Variants in PRPSAP1 observed in about 807,000 individuals in gnomAD.
PRPSAP1 encodes phosphoribosyl pyrophosphate synthase-associated protein 1.
PRPSAP1 carries 31 observed loss-of-function variants against 39.4 expected under a neutral mutation model. That is an observed-to-expected ratio of 0.79 (90% confidence interval 0.59 to 1.06). The LOEUF (loss-of-function observed/expected upper bound fraction) is 1.06, where lower values mean the gene tolerates loss of function less well. Ranked by LOEUF, PRPSAP1 falls within the 50% of genes least tolerant of loss-of-function variation. The probability of loss-of-function intolerance (pLI) is 0.00; values close to 1 mark genes in which losing one functional copy is unlikely to be tolerated. For synonymous variants in PRPSAP1, 212 were observed against 192.6 expected (o/e 1.10, Z -0.83); for missense variants, 430 against 511.6 (o/e 0.84, Z 1.54).
intron 7 of PRPSAP1, chr17:76,314,378 A>T (rs756540501): frequency 4.9e-4 from 84 of 170,476 alleles, no homozygotes; most frequent in Non-Finnish European, 9.1e-4. Flanking sequence ...CACCACACCC[A>T]GCTGAGTTTT....
At chr17:76,348,294 G>A (rs896160596) in intron 2 of PRPSAP1, among the ~76,000 whole-genome samples, 3 of 151,994 alleles carry the variant, frequency 2.0e-5, no homozygotes, top group African/African-American at 7.2e-5. Flanking sequence ...CCAACAGGGT[G>A]AAACCCCATC....
At chr17:76,319,736 A>G (rs2071168493) in intron 7 of PRPSAP1, among the ~76,000 whole-genome samples, 1 of 151,950 alleles carries the variant, frequency 6.6e-6, no homozygotes, top group Non-Finnish European at 1.5e-5. Context: ...TACAGGCGTG[A>G]GCCACCGTGC....
chr17:76,330,079 G>GC lies in PRPSAP1; in HGVS notation c.598dup (p.Ala200GlyfsTer6). ...ATCAGGAGACTTAGCTACAATGACTGCATTTCTGTAATTTGGAATCTAGAT... is the reference window on the plus strand; with the variant it reads ...ATCAGGAGACTTAGCTACAATGACTGCCATTTCTGTAATTTGGAATCTAGAT... On this transcript the variant is annotated frameshift_variant, in exon 6 of 10. Coordinates refer to ENST00000446526, the MANE Select transcript of PRPSAP1 (RefSeq NM_002766.3). LOFTEE classifies it high-confidence loss of function. 2 of 1,613,418 alleles carry GC rather than the reference G, an allele frequency of 1.2e-6. No homozygotes were observed. The highest frequency in any genetic ancestry group is 1.7e-6 in the Non-Finnish European group (2 of 1,179,420).
chr17:76,327,177 G>GTC (rs1233007448), intron 7 of PRPSAP1, among the ~76,000 whole-genome samples: 9 of 150,646 alleles, frequency 6.0e-5, no homozygotes, highest in Non-Finnish European at 1.3e-4. Flanking sequence ...GTAAAACCCT[G>GTC]TCTCTACTAA....
chr17:76,352,644 C>CAAAAAAAAAAAA (rs55986677), intron 1 of PRPSAP1, among the ~76,000 whole-genome samples: 20 of 53,482 alleles, frequency 3.7e-4, no homozygotes, highest in East Asian at 1.2e-3. Context: ...GACTCCGTCT[C>CAAAAAAAAAAAA]AAAAAAAAAA....
chr17:76,329,056 T>C (rs1031648565), intron 6 of PRPSAP1, 194 bp from the exon 7 acceptor site: 1 of 616,152 alleles, frequency 1.6e-6, no homozygotes, highest in Non-Finnish European at 2.6e-6. Flanking sequence ...GGGTTTGGGA[T>C]TGTATCTGAT....
intron 3 of PRPSAP1, among the ~76,000 whole-genome samples, chr17:76,332,930 G>T (rs1024394847): frequency 6.7e-6 from 1 of 148,384 alleles, no homozygotes; most frequent in Non-Finnish European, 1.5e-5. Context: ...TCTCGCTGTC[G>T]CCCAGGTTGG....
chr17:76,343,386 G>A (rs896061207), intron 3 of PRPSAP1, among the ~76,000 whole-genome samples: 1 of 152,242 alleles, frequency 6.6e-6, no homozygotes, highest in Admixed American at 6.5e-5. Flanking sequence ...AGGCCACGGT[G>A]CAAGATAAAA....
intron 7 of PRPSAP1, among the ~76,000 whole-genome samples, chr17:76,319,141 T>C (rs1305273155): frequency 6.6e-6 from 1 of 151,934 alleles, no homozygotes; most frequent in East Asian, 1.9e-4. Context: ...GGTTTCACCA[T>C]GTTTGTCAGG....
intron 3 of PRPSAP1, among the ~76,000 whole-genome samples, chr17:76,340,329 G>A (rs1598535878): frequency 6.6e-6 from 1 of 151,640 alleles, no homozygotes; most frequent in Admixed American, 6.6e-5. Context: ...GAGAAAAACG[G>A]TAAGTGTTTC....
At chr17:76,353,454 G>A (rs2071602148) in intron 1 of PRPSAP1, 80 bp downstream of exon 1, 9 of 1,328,728 alleles carry the variant, frequency 6.8e-6, no homozygotes, top group South Asian at 1.6e-5. Flanking sequence ...TGGGGCGGGT[G>A]GAGGGGAGCG....
In PRPSAP1 at chr17:76,313,023, G is replaced by C. The variant is rs1338192674; in HGVS notation, c.853-7C>G. ...CATCGTCAATAATGTCATCCTGGGAGGAGAACAGAGTGAGTTGGTAGGAAA... is the reference window on the plus strand; with the variant it reads ...CATCGTCAATAATGTCATCCTGGGACGAGAACAGAGTGAGTTGGTAGGAAA... On this transcript the variant is annotated splice_polypyrimidine_tract_variant and splice_region_variant and intron_variant, in intron 8 of 9. Coordinates refer to ENST00000446526, the MANE Select transcript of PRPSAP1 (RefSeq NM_002766.3). The C allele has an allele frequency of 1.2e-6, 2 of 1,613,094 alleles. No individual in the cohort carries two copies. The highest frequency in any genetic ancestry group is 1.7e-6 in the Non-Finnish European group (2 of 1,179,748).
At chr17:76,328,017 C>T (rs951516656) in intron 7 of PRPSAP1, among the ~76,000 whole-genome samples, 3 of 151,420 alleles carry the variant, frequency 2.0e-5, no homozygotes, top group Admixed American at 2.0e-4. Flanking sequence ...GCCCCGTCTC[C>T]ATACAAAAAG....
At chr17:76,351,008 G>A (rs543918918) in intron 1 of PRPSAP1, among the ~76,000 whole-genome samples, 1 of 152,120 alleles carries the variant, frequency 6.6e-6, no homozygotes, top group Admixed American at 6.6e-5. Flanking sequence ...CTCCAGCCTG[G>A]GCAACAAGAG....
intron 7 of PRPSAP1, among the ~76,000 whole-genome samples, chr17:76,322,927 G>GACT (rs2071213075): frequency 6.6e-6 from 1 of 152,152 alleles, no homozygotes; most frequent in Non-Finnish European, 1.5e-5. Flanking sequence ...CCAGGTGGTA[G>GACT]AGGCTGCAGT....
At chr17:76,332,484 C>A (rs1335689292) in intron 3 of PRPSAP1, 49 bp from the exon 4 acceptor site, 1 of 1,599,102 alleles carries the variant, frequency 6.3e-7, no homozygotes, top group African/African-American at 1.3e-5. Flanking sequence ...TGTATCAACC[C>A]TAGAAAAGAT....
At chr17:76,345,252 A>AAAAATT (rs1213713367) in intron 2 of PRPSAP1, among the ~76,000 whole-genome samples, 1 of 144,102 alleles carries the variant, frequency 6.9e-6, no homozygotes, top group Non-Finnish European at 1.5e-5. Context: ...AAAAAAAAAA[A>AAAAATT]AAAGAGTTCT....
At chr17:76,348,914 T>C (rs2071539076) in intron 1 of PRPSAP1, among the ~76,000 whole-genome samples, 1 of 152,186 alleles carries the variant, frequency 6.6e-6, no homozygotes, top group Non-Finnish European at 1.5e-5. Context: ...CAGAGATAAA[T>C]GCCTCAATTA....
In PRPSAP1 at chr17:76,320,487, C is replaced by A. The variant is rs186266158; in HGVS notation, c.782-6596G>T. 2.6e-3 allele frequency among the ~76,000 whole-genome samples: 345 copies of A among 133,362 alleles called. 2 individuals carry two copies. Among genetic ancestry groups the A allele is most frequent in the African/African-American group, 9.7e-3 (337 of 34,760 alleles). 87.5% of individuals were successfully genotyped at this position (133,362 alleles called of 152,430 possible). On this transcript the variant is annotated intron_variant, in intron 7 of 9. Coordinates refer to ENST00000446526, the MANE Select transcript of PRPSAP1 (RefSeq NM_002766.3). ...TTGCCCAGGTTGGAGTGCAGTGGCA[C>A]GATCTCAGTTCACTCCAACCTCTGC... is the stretch of plus-strand genomic sequence containing the variant.
Sources: allele counts gnomAD v4.1 joint callset (sites outside exome capture counted in the v4.1 genomes callset), GRCh38; gene constraint gnomAD v4.1.1; transcripts MANE v1.5; gene names NCBI Gene and HGNC (gene_info 2026-07-23, HGNC 2026-07-21).